FAM47B: variants seen among roughly 807,000 people sequenced by gnomAD.
FAM47B encodes the protein protein FAM47B.
For synonymous variants in FAM47B, 247 were observed against 215.8 expected (o/e 1.14, Z -1.27); for missense variants, 581 against 550.1 (o/e 1.06, Z -0.56).
chrX:34,944,071 C>T lies in FAM47B; in HGVS notation c.1240C>T (p.Pro414Ser), dbSNP rs776214625. Residue 414 changes from proline to serine, a missense_variant, in exon 1 of 1, where the codon CCT (proline) becomes TCT (serine). Coordinates refer to ENST00000329357, the MANE Select transcript of FAM47B (RefSeq NM_152631.3). ...TRRMASLCLK[P>S]PKTRRVSSLC... The stretch of plus-strand genomic sequence containing the variant: ...TCGAATGGCCAGTCTCTGCCTGAAG[C>T]CTCCCAAGACTCGTCGGGTGTCCAG... 1 of 1,206,078 alleles carries T rather than the reference C, an allele frequency of 8.3e-7. No homozygotes were observed. Among genetic ancestry groups the T allele is most frequent in the African/African-American group, 1.8e-5 (1 of 55,955 alleles).
chrX:34,944,743 G>A lies in FAM47B; in HGVS notation c.1912G>A (p.Val638Ile), dbSNP rs900986018. The A allele has an allele frequency of 1.7e-6, 2 of 1,160,436 alleles. No individual in the cohort carries two copies. The highest frequency in any genetic ancestry group is 1.8e-5 in the African/African-American group (1 of 55,082). Reference protein sequence around the residue: ...AVQVYKYKEDVTDASKED With the variant: ...AVQVYKYKEDITDASKED ...GCAAGTTTACAAGTACAAAGAAGAC[G>A]TCACAGATGCATCAAAAGAAGATTA... The change falls in exon 1 of 1, where the codon GTC (valine) becomes ATC (isoleucine). Residue 638 changes from valine (V) to isoleucine (I), a missense_variant. Transcript: ENST00000329357.
rs112897595 is a variant in FAM47B at position 34,944,318 on chromosome X, A to C, written c.1487A>C (p.Gln496Pro). 2.6e-3 allele frequency: 3,195 copies of C among 1,210,121 alleles called. 65 individuals are homozygous for C. The African/African-American group carries it at 0.048, about 18-fold the overall frequency. Residue 496 changes from glutamine (Q) to proline (P), a missense_variant, in exon 1 of 1, where the codon CAA becomes CCA. Physicochemically the swap from Gln to Pro is moderately conservative, Grantham distance 76 (BLOSUM62 -1). Coordinates refer to ENST00000329357, the MANE Select transcript of FAM47B (RefSeq NM_152631.3). ...TPECRTTDQD[Q>P]KIKKANECAS... Reference sequence around the variant, plus strand: ...GAGTGCAGAACAACCGATCAAGACCAAAAGATTAAGAAGGCAAACGAGTGT... The same window carrying C: ...GAGTGCAGAACAACCGATCAAGACCCAAAGATTAAGAAGGCAAACGAGTGT...
rs754539589 is a variant in FAM47B at position 34,943,925 on chromosome X, A to C, written c.1094A>C (p.Glu365Ala). The change falls in exon 1 of 1, where the codon GAG becomes GCG. Residue 365 changes from glutamate (E) to alanine (A), a missense_variant. Glu to Ala is a moderately radical substitution (Grantham distance 107). Coordinates refer to ENST00000329357, the MANE Select transcript of FAM47B (RefSeq NM_152631.3). ...KKLEDARARC[E>A]GQEMTTEELT... ...CTGGAAGACGCACGGGCTCGTTGTG[A>C]GGGCCAGGAGATGACAACCGAGGAA... 1 of 1,208,935 alleles carries C rather than the reference A, an allele frequency of 8.3e-7. No homozygotes were observed. Among genetic ancestry groups the C allele is most frequent in the East Asian group, 3.0e-5 (1 of 33,674 alleles).
At position 34,944,353 on chromosome X, in the gene FAM47B, C is replaced by A. The variant is rs145766767; in HGVS notation, c.1522C>A (p.Leu508Met). The change falls in exon 1 of 1, where the codon CTG becomes ATG. Residue 508 changes from leucine to methionine, a missense_variant. Coordinates refer to ENST00000329357, the MANE Select transcript of FAM47B (RefSeq NM_152631.3). ...GAAGGCAAACGAGTGTGCTTCAAGG[C>A]TGATGTACGGCATGGAGCTAGACGA... ...IKKANECASR[L>M]MYGMELDDMD... 8.3e-7 allele frequency: 1 copy of A among 1,211,866 alleles called. No homozygotes were observed. Among genetic ancestry groups the A allele is most frequent in the African/African-American group, 1.7e-5 (1 of 57,839 alleles).
In FAM47B at chrX:34,944,153, A is replaced by T. The variant is rs1485204848; in HGVS notation, c.1322A>T (p.Glu441Val). 8.3e-7 allele frequency: 1 copy of T among 1,209,592 alleles called. No individual in the cohort carries two copies. Among genetic ancestry groups the T allele is most frequent in the Non-Finnish European group, 1.1e-6 (1 of 895,248 alleles). Residue 441 changes from glutamate (E) to valine (V), a missense_variant, in exon 1 of 1, where the codon GAA becomes GTA. Transcript: ENST00000329357. ...GASHLKELFQ[E>V]DTPSTMECVS... Reference sequence around the variant, plus strand: ...TCCCATCTAAAAGAACTGTTTCAGGAAGATACACCAAGCACAATGGAGTGT... The same window carrying T: ...TCCCATCTAAAAGAACTGTTTCAGGTAGATACACCAAGCACAATGGAGTGT...
rs766407576 is a variant in FAM47B at position 34,943,792 on chromosome X, C to T, written c.961C>T (p.Pro321Ser). Residue 321 changes from proline to serine, a missense_variant, in exon 1 of 1, where the codon CCG becomes TCG. Physicochemically the swap from Pro to Ser is moderately conservative, Grantham distance 74. Transcript: ENST00000329357. ...PSKTQVSSLCPEPPEAGVSHL... is the reference protein window; with the variant it reads ...PSKTQVSSLCSEPPEAGVSHL... ...CAAGACTCAGGTGTCCAGTCTCTGC[C>T]CGGAGCCTCCCGAGGCTGGAGTGTC... 4.1e-6 allele frequency: 5 copies of T among 1,207,008 alleles called. No homozygotes were observed. The South Asian group carries it at 8.8e-5, about 21-fold the overall frequency.
Position 34,943,509 on chromosome X carries a change from G to C in FAM47B, c.678G>C (p.Glu226Asp). ...PKTRVSSLRP[E>D]PPKTRVSSLH... is the part of the protein sequence containing the mutation. ...CTCGGGTGTCCAGTCTCCGCCCAGA[G>C]CCTCCCAAGACTCGGGTGTCCAGTC... The change falls in exon 1 of 1, where the codon GAG becomes GAC. Residue 226 changes from glutamate to aspartate, a missense_variant. Glu to Asp is a conservative substitution (Grantham distance 45). Transcript: ENST00000329357. The C allele has an allele frequency of 8.3e-7, 1 of 1,210,474 alleles. No individual in the cohort carries two copies. Among genetic ancestry groups the C allele is most frequent in the Non-Finnish European group, 1.1e-6 (1 of 895,167 alleles).
chrX:34,943,074 A>G lies in FAM47B; in HGVS notation c.243A>G (p.Ile81Met). 2 of 1,211,502 alleles carry G rather than the reference A, an allele frequency of 1.7e-6. No individual in the cohort carries two copies. Among genetic ancestry groups the G allele is most frequent in the South Asian group, 1.8e-5 (1 of 56,930 alleles). Reference protein sequence around the residue: ...CRRDEFLLPKISLRGPQADRK... With the variant: ...CRRDEFLLPKMSLRGPQADRK... ...GTGACGAGTTTTTACTCCCCAAAAT[A>G]TCTCTCAGAGGTCCCCAAGCTGACC... Residue 81 changes from isoleucine (I) to methionine (M), a missense_variant, in exon 1 of 1, where the codon ATA becomes ATG. Ile to Met is a conservative substitution (Grantham distance 10). Transcript: ENST00000329357.
rs1926820154 is a variant in FAM47B, at chrX:34,943,572, C to T, written c.741C>T (p.Leu247=). 4.1e-6 allele frequency: 5 copies of T among 1,207,478 alleles called. No individual in the cohort carries two copies. In the South Asian group the frequency reaches 8.8e-5, roughly 21 times the overall value. ...PEPPETRASH[L]RVDPPETGVS... ...CTCCAGAGACTCGCGCATCTCATCT[C>T]CGCGTGGATCCTCCCGAGACTGGAG... The change falls in exon 1 of 1, where the codon CTC becomes CTT. Residue 247 remains leucine (L), a synonymous_variant. Coordinates refer to ENST00000329357, the MANE Select transcript of FAM47B (RefSeq NM_152631.3).
rs751015850 is a variant in FAM47B, at chrX:34,943,416, G to A, written c.585G>A (p.Pro195=). 9 of 1,208,009 alleles carry A rather than the reference G, an allele frequency of 7.5e-6. No homozygotes were observed. The highest frequency in any genetic ancestry group is 2.2e-5 in the Admixed American group (1 of 45,689). The change falls in exon 1 of 1, where the codon CCG becomes CCA. Residue 195 remains proline, a synonymous_variant. Coordinates refer to ENST00000329357, the MANE Select transcript of FAM47B (RefSeq NM_152631.3). ...GESCPRPPET[P]VSRLRPQLPK... is the part of the protein sequence containing the mutation. The stretch of plus-strand genomic sequence containing the variant: ...CCTGCCCGCGGCCTCCCGAGACTCC[G>A]GTGTCCCGTCTCCGTCCTCAGCTTC...
rs1272634491 is a variant in FAM47B at position 34,942,924 on chromosome X, G to A, written c.93G>A (p.Ala31=). 6.6e-6 allele frequency: 8 copies of A among 1,210,716 alleles called. No individual in the cohort carries two copies. Among genetic ancestry groups the A allele is most frequent in the Admixed American group, 2.2e-5 (1 of 45,937 alleles). The change falls in exon 1 of 1, where the codon GCG becomes GCA. Residue 31 remains alanine, a synonymous_variant. Coordinates refer to ENST00000329357, the MANE Select transcript of FAM47B (RefSeq NM_152631.3). ...ACAAACCGCCTTCCAAGTACTTCGC[G>A]AAGCGCAAGCACAGGCGCCTGAGGT... ...YCDKPPSKYF[A]KRKHRRLRFP...
Position 34,944,380 on chromosome X carries a change from A to G in FAM47B, c.1549A>G (p.Met517Val), listed in dbSNP as rs199992118. ...GATGTACGGCATGGAGCTAGACGAC[A>G]TGGATGAGGTCGAATTCTTACGGAT... ...RLMYGMELDD[M>V]DEVEFLRIKY... is the part of the protein sequence containing the mutation. The change falls in exon 1 of 1, where the codon ATG becomes GTG. Residue 517 changes from methionine (M) to valine (V), a missense_variant. Met to Val is a conservative substitution (Grantham distance 21, BLOSUM62 1). Coordinates refer to ENST00000329357, the MANE Select transcript of FAM47B (RefSeq NM_152631.3). 7 of 1,211,958 alleles carry G rather than the reference A, an allele frequency of 5.8e-6. No homozygotes were observed. The highest frequency in any genetic ancestry group is 7.8e-6 in the Non-Finnish European group (7 of 895,594).
chrX:34,943,324 C>A lies in FAM47B; in HGVS notation c.493C>A (p.Arg165Ser), dbSNP rs1438726588. The A allele has an allele frequency of 8.3e-7, 1 of 1,208,745 alleles. No homozygotes were observed. Among genetic ancestry groups the A allele is most frequent in the African/African-American group, 1.8e-5 (1 of 56,924 alleles). ...GAGGAAGCTGGAGGACGCTTGGGCTCGTTGTGAGGCCCGGGAGAAGACAAC... is the reference window on the plus strand; with the variant it reads ...GAGGAAGCTGGAGGACGCTTGGGCTAGTTGTGAGGCCCGGGAGAAGACAAC... ...PERKLEDAWA[R>S]CEAREKTTEV... Residue 165 changes from arginine (R) to serine (S), a missense_variant, in exon 1 of 1, where the codon CGT (arginine) becomes AGT (serine). Arg to Ser is a moderately radical substitution (Grantham distance 110, BLOSUM62 -1). Coordinates refer to ENST00000329357, the MANE Select transcript of FAM47B (RefSeq NM_152631.3).
Position 34,944,713 on chromosome X carries a change from G to T in FAM47B, c.1882G>T (p.Ala628Ser). The T allele has an allele frequency of 8.4e-7, 1 of 1,194,576 alleles. No homozygotes were observed. The highest frequency in any genetic ancestry group is 2.3e-5 in the Admixed American group (1 of 43,572). The change falls in exon 1 of 1, where the codon GCA becomes TCA. Residue 628 changes from alanine (A) to serine (S), a missense_variant. Transcript: ENST00000329357. ...CTCTGTTAAGACTCCTATTCAACGTGCAGTGCAAGTTTACAAGTACAAAGA... is the reference window on the plus strand; with the variant it reads ...CTCTGTTAAGACTCCTATTCAACGTTCAGTGCAAGTTTACAAGTACAAAGA... ...YDSVKTPIQR[A>S]VQVYKYKEDV...
At position 34,944,469 on chromosome X, in the gene FAM47B, A is replaced by G. The variant is rs1220432473; in HGVS notation, c.1638A>G (p.Ile546Met). 1 of 1,211,952 alleles carries G rather than the reference A, an allele frequency of 8.3e-7. No homozygotes were observed. ...PHSYSAQRGR[I>M]RYGPWYFEPK... ...CTTATAGTGCACAGCGTGGGAGGAT[A>G]AGGTATGGACCATGGTACTTCGAGC... Residue 546 changes from isoleucine to methionine, a missense_variant, in exon 1 of 1, where the codon ATA becomes ATG. Physicochemically the swap from Ile to Met is conservative, Grantham distance 10. Coordinates refer to ENST00000329357, the MANE Select transcript of FAM47B (RefSeq NM_152631.3).
chrX:34,944,300 G>A lies in FAM47B; in HGVS notation c.1469G>A (p.Arg490Lys). Residue 490 changes from arginine to lysine, a missense_variant, in exon 1 of 1, where the codon AGA becomes AAA. Arg to Lys is a conservative substitution (Grantham distance 26). Transcript: ENST00000329357. ...SSLFDFTPEC[R>K]TTDQDQKIKK... ...CTGTTTGACTTTACCCCTGAGTGCA[G>A]AACAACCGATCAAGACCAAAAGATT... 8.3e-7 allele frequency: 1 copy of A among 1,211,827 alleles called. No individual in the cohort carries two copies. The highest frequency in any genetic ancestry group is 1.1e-6 in the Non-Finnish European group (1 of 895,590).
Position 34,942,869 on chromosome X carries a change from A to C in FAM47B, c.38A>C (p.Gln13Pro), listed in dbSNP as rs748209524. Residue 13 changes from glutamine (Q) to proline (P), a missense_variant, in exon 1 of 1, where the codon CAA becomes CCA. Physicochemically the swap from Gln to Pro is moderately conservative, Grantham distance 76. Transcript: ENST00000329357. ...AGGCCACAGGACCGGCCAAGGTCCC[A>C]AGGCATGGACTCCAAGCCCTGGTAC... Reference protein sequence around the residue: ...DRRPQDRPRSQGMDSKPWYCD... With the variant: ...DRRPQDRPRSPGMDSKPWYCD... The C allele has an allele frequency of 1.2e-5, 15 of 1,208,763 alleles. No homozygotes were observed. The highest frequency in any genetic ancestry group is 2.3e-4 in the Middle Eastern group (1 of 4,359).
chrX:34,944,717 T>C lies in FAM47B; in HGVS notation c.1886T>C (p.Val629Ala). 3.4e-6 allele frequency: 4 copies of C among 1,190,435 alleles called. No individual in the cohort carries two copies. The highest frequency in any genetic ancestry group is 4.5e-6 in the Non-Finnish European group (4 of 884,626). ...GTTAAGACTCCTATTCAACGTGCAG[T>C]GCAAGTTTACAAGTACAAAGAAGAC... The part of the protein sequence containing the change: ...DSVKTPIQRA[V>A]QVYKYKEDVT... Residue 629 changes from valine (V) to alanine (A), a missense_variant, in exon 1 of 1, where the codon GTG (valine) becomes GCG (alanine). Val to Ala is a moderately conservative substitution (Grantham distance 64, BLOSUM62 0). Transcript: ENST00000329357.
Position 34,944,236 on chromosome X carries a change from G to C in FAM47B, c.1405G>C (p.Ala469Pro), listed in dbSNP as rs1354153060. Residue 469 changes from alanine to proline, a missense_variant, in exon 1 of 1, where the codon GCT (alanine) becomes CCT (proline). Physicochemically the swap from Ala to Pro is conservative, Grantham distance 27. Coordinates refer to ENST00000329357, the MANE Select transcript of FAM47B (RefSeq NM_152631.3). ...TSRKLRDFKW[A>P]GDLGVNEESI... The stretch of plus-strand genomic sequence containing the variant: ...GAGAAAACTCCGTGACTTCAAGTGG[G>C]CTGGAGACCTAGGAGTTAATGAAGA... 1 of 1,211,804 alleles carries C rather than the reference G, an allele frequency of 8.3e-7. No individual in the cohort carries two copies. Among genetic ancestry groups the C allele is most frequent in the Admixed American group, 2.2e-5 (1 of 46,008 alleles).
Sources: gnomAD v4.1 joint callset for allele counts on GRCh38, gnomAD v4.1.1 for gene constraint, MANE v1.5 for transcripts, NCBI Gene and HGNC (gene_info 2026-07-23, HGNC 2026-07-21) for gene names.